TNS3: variants seen among roughly 807,000 people sequenced by gnomAD.
TNS3 encodes the protein tensin 3.
In TNS3, 45 loss-of-function variants were observed where a neutral mutation model predicts 140.9. That is an observed-to-expected ratio of 0.32 (90% CI 0.25 to 0.41). TNS3 has a LOEUF of 0.41. Ranked by LOEUF, TNS3 falls within the 10% of genes least tolerant of loss-of-function variation. The pLI is 1.00. For synonymous variants in TNS3, 815 were observed against 788.4 expected (o/e 1.03, Z -0.56); for missense variants, 1,716 against 1,906.7 (o/e 0.90, Z 1.86).
chr7:47,443,985 A>AT (rs1177251027), intron 4 of TNS3, among the ~76,000 whole-genome samples: 2 of 152,194 alleles, frequency 1.3e-5, no homozygotes, highest in Non-Finnish European at 2.9e-5. Flanking sequence ...AATGCACTAA[A>AT]ATGAAGTCTC....
chr7:47,278,467 T>A, intron 30 of TNS3: 1 of 493,220 alleles, frequency 2.0e-6, no homozygotes, highest in Non-Finnish European at 3.6e-6. Flanking sequence ...GAGTGCCCTG[T>A]CCACAGCCCC....
chr7:47,459,392 T>C (rs1053111583), intron 4 of TNS3, among the ~76,000 whole-genome samples: 2 of 152,062 alleles, frequency 1.3e-5, no homozygotes, highest in East Asian at 1.9e-4. Flanking sequence ...TTATCCCCTT[T>C]CCAAAAAAGA....
chr7:47,502,458 C>A (rs1311768332), intron 3 of TNS3, among the ~76,000 whole-genome samples: 1 of 152,190 alleles, frequency 6.6e-6, no homozygotes, highest in African/African-American at 2.4e-5. Flanking sequence ...TTTTCCATGG[C>A]AGAGGACCAA....
chr7:47,365,560 G>A (rs891331712), intron 17 of TNS3, among the ~76,000 whole-genome samples: 4 of 152,086 alleles, frequency 2.6e-5, no homozygotes, highest in East Asian at 1.9e-4. Context: ...TCAGGAGATC[G>A]AGACCTTCTT....
At chr7:47,300,526 G>T (rs1250694458) in intron 23 of TNS3, among the ~76,000 whole-genome samples, 1 of 152,240 alleles carries the variant, frequency 6.6e-6, no homozygotes, top group East Asian at 1.9e-4. Context: ...CCCCGCGGCA[G>T]GCTCGAACCT....
At chr7:47,285,220 G>A (rs985373202) in intron 27 of TNS3, among the ~76,000 whole-genome samples, 1 of 152,140 alleles carries the variant, frequency 6.6e-6, no homozygotes, top group African/African-American at 2.4e-5. Context: ...CACCGCAAAG[G>A]CCATATTGTT....
At chr7:47,380,090 T>C (rs1791657538) in intron 16 of TNS3, among the ~76,000 whole-genome samples, 2 of 152,186 alleles carry the variant, frequency 1.3e-5, no homozygotes, top group Non-Finnish European at 2.9e-5. Flanking sequence ...GCTCCCGCGG[T>C]CTCCTGGGTG....
At chr7:47,355,160 C>T (rs1266188642) in intron 17 of TNS3, among the ~76,000 whole-genome samples, 1 of 152,200 alleles carries the variant, frequency 6.6e-6, no homozygotes, top group Non-Finnish European at 1.5e-5. Flanking sequence ...CAGCAAGTTG[C>T]GCAGGGTCAC....
At chr7:47,492,098 C>A (rs1797836419) in intron 3 of TNS3, among the ~76,000 whole-genome samples, 1 of 152,256 alleles carries the variant, frequency 6.6e-6, no homozygotes, top group Non-Finnish European at 1.5e-5. Context: ...GGGACCTTAA[C>A]TATTGGCACC....
At chr7:47,528,749 T>A (rs536525217) in intron 2 of TNS3, among the ~76,000 whole-genome samples, 1 of 152,336 alleles carries the variant, frequency 6.6e-6, no homozygotes, top group South Asian at 2.1e-4. Context: ...CCTGAGTTAC[T>A]GACACTTCAG....
chr7:47,279,518 C>G (rs1785030505), intron 30 of TNS3: 1 of 153,404 alleles, frequency 6.5e-6, no homozygotes, highest in African/African-American at 2.4e-5. Flanking sequence ...GCCTGACCAA[C>G]ATGGTGAAAC....
chr7:47,509,449 G>C (rs1349324006), intron 2 of TNS3, among the ~76,000 whole-genome samples: 4 of 152,182 alleles, frequency 2.6e-5, no homozygotes, highest in Non-Finnish European at 5.9e-5. Flanking sequence ...GCACCAGGCA[G>C]TGTACAAGAT....
At chr7:47,492,501 C>T (rs75154858) in intron 3 of TNS3, among the ~76,000 whole-genome samples, 3,988 of 152,376 alleles carry the variant, frequency 0.026, 88 homozygotes, top group South Asian at 0.042. Flanking sequence ...TCAGCCCAGG[C>T]TGCTCCCTCT....
At chr7:47,493,355 T>TA (rs1797883453) in intron 3 of TNS3, among the ~76,000 whole-genome samples, 1 of 152,174 alleles carries the variant, frequency 6.6e-6, no homozygotes, top group Non-Finnish European at 1.5e-5. Flanking sequence ...AAATTCAGTT[T>TA]AAAATGGAAG....
At chr7:47,431,937 C>T (rs1035844531) in intron 8 of TNS3, among the ~76,000 whole-genome samples, 1 of 152,080 alleles carries the variant, frequency 6.6e-6, no homozygotes, top group African/African-American at 2.4e-5. Flanking sequence ...TCATAAATTC[C>T]TGGACACATA....
intron 4 of TNS3, among the ~76,000 whole-genome samples, chr7:47,460,113 T>C (rs1297982885): frequency 6.7e-6 from 1 of 149,598 alleles, no homozygotes; most frequent in Non-Finnish European, 1.5e-5. Flanking sequence ...CTCGGGAGGC[T>C]GAGGCAGGAG....
intron 17 of TNS3, among the ~76,000 whole-genome samples, chr7:47,364,277 A>ATTTT (rs10566032): frequency 1.1e-4 from 12 of 110,630 alleles, no homozygotes; most frequent in African/African-American, 3.0e-4. Flanking sequence ...GTAAGCAATA[A>ATTTT]TTTTTTTTTT....
chr7:47,406,267 G>T (rs1261747239), intron 13 of TNS3, among the ~76,000 whole-genome samples: 1 of 152,170 alleles, frequency 6.6e-6, no homozygotes, highest in African/African-American at 2.4e-5. Flanking sequence ...TGGCTGTGTC[G>T]AGGCGAAGGC....
chr7:47,411,852 G>A, intron 12 of TNS3, 50 bp from the exon 13 acceptor site: 1 of 1,570,754 alleles, frequency 6.4e-7, no homozygotes, highest in African/African-American at 1.4e-5. Context: ...ATGATTTTGT[G>A]GGAAGAATAC....
Sources: allele counts gnomAD v4.1 joint callset (sites outside exome capture counted in the v4.1 genomes callset), GRCh38; gene constraint gnomAD v4.1.1; transcripts MANE v1.5; gene names NCBI Gene and HGNC (gene_info 2026-07-23, HGNC 2026-07-21).